RTN1: variants seen among roughly 807,000 people sequenced by gnomAD.
RTN1 encodes the protein reticulon 1.
In RTN1, 25 loss-of-function variants were observed where a neutral mutation model predicts 65.5. The ratio of observed to expected loss-of-function variants is 0.38; its 90% CI spans 0.28 to 0.53. The LOEUF (loss-of-function observed/expected upper bound fraction) is 0.53, where lower values mean the gene tolerates loss of function less well. Among genes scored for constraint, RTN1 ranks in the 20% least tolerant of loss-of-function variants. RTN1 has a pLI of 0.79. For synonymous variants in RTN1, 471 were observed against 447.6 expected, an observed-to-expected ratio of 1.05 and a Z score of -0.66; for missense variants, 983 against 1,025.4, an observed-to-expected ratio of 0.96 and a Z score of 0.57.
intron 3 of RTN1, among the ~76,000 whole-genome samples, chr14:59,691,490 A>T (rs1339556222): frequency 6.6e-6 from 1 of 152,102 alleles, no homozygotes; most frequent in African/African-American, 2.4e-5. Context: ...TCACACCCAA[A>T]TCCTACCAGA....
chr14:59,828,336 C>T (rs1332664062), intron 1 of RTN1, among the ~76,000 whole-genome samples: 5 of 152,174 alleles, frequency 3.3e-5, no homozygotes, highest in African/African-American at 1.2e-4. Flanking sequence ...GAAGAGAGAG[C>T]CTGAGACCGT....
In RTN1 at chr14:59,790,532, C is replaced by A. The variant is rs1566728049; in HGVS notation, c.242-44051G>T. Among the ~76,000 whole-genome samples, 1 of 152,026 alleles carries A rather than the reference C, an allele frequency of 6.6e-6. No individual in the cohort carries two copies. Among genetic ancestry groups the A allele is most frequent in the Non-Finnish European group, 1.5e-5 (1 of 67,996 alleles). The stretch of plus-strand genomic sequence containing the variant: ...TTCTGATAGAAGCCTGATTTTTCCT[C>A]TTCTAGGGGATTTGGTTTTGTGTGT... On this transcript the variant is annotated intron_variant, in intron 1 of 8. Coordinates refer to ENST00000267484, the MANE Select transcript of RTN1 (RefSeq NM_021136.3). This position sits in a 1 kb window ranked among gnomAD's most constrained non-coding sequence, Gnocchi z 4.1.
intron 1 of RTN1, among the ~76,000 whole-genome samples, chr14:59,750,398 T>TATATATATTATATGTATA (rs1275451981): frequency 3.9e-5 from 2 of 51,812 alleles, no homozygotes; most frequent in Non-Finnish European, 6.5e-5. Context: ...ATATCTATAA[T>TATATATATTATATGTATA]ATATATATTA....
At chr14:59,780,334 T>C (rs1029265665) in intron 1 of RTN1, among the ~76,000 whole-genome samples, 1 of 152,146 alleles carries the variant, frequency 6.6e-6, no homozygotes, top group Non-Finnish European at 1.5e-5. Flanking sequence ...AACATAGACA[T>C]AAAAGCAAAG....
intron 1 of RTN1, among the ~76,000 whole-genome samples, chr14:59,819,411 A>ACCCC (rs1566737447): frequency 5.5e-4 from 7 of 12,736 alleles, no homozygotes; most frequent in African/African-American, 1.4e-3. Flanking sequence ...CCACACCACC[A>ACCCC]CCACCCCCCC....
At chr14:59,721,295 C>T (rs1359175070) in intron 3 of RTN1, among the ~76,000 whole-genome samples, 1 of 152,202 alleles carries the variant, frequency 6.6e-6, no homozygotes, top group East Asian at 1.9e-4. Flanking sequence ...CATGGGTGAG[C>T]AGGCTGCAGA....
intron 3 of RTN1, among the ~76,000 whole-genome samples, chr14:59,697,300 C>G (rs74057900): frequency 2.5e-4 from 38 of 152,210 alleles, no homozygotes; most frequent in African/African-American, 8.2e-4. Context: ...ATATTTTATA[C>G]CATGGTTATT....
rs756386522 is a variant in RTN1 at position 59,607,448 on chromosome 14, C to T, written c.1810G>A (p.Val604Met). The T allele has an allele frequency of 1.2e-5, 20 of 1,610,250 alleles. No homozygotes were observed. Among genetic ancestry groups the T allele is most frequent in the Admixed American group, 5.0e-5 (3 of 59,578 alleles). The stretch of plus-strand genomic sequence containing the variant: ...AGCAGCAGCAGGAAACTCCCAAACA[C>T]GATGCCCGTCTGCTTGATGTCCCGC... The part of the protein sequence containing the change: ...YWRDIKQTGI[V>M]FGSFLLLLFS... The change falls in exon 4 of 9, where the codon GTG becomes ATG. Residue 604 changes from valine to methionine, a missense_variant. This residue lies in a region of RTN1 where 165 missense variants were observed against 223.6 expected (regional missense o/e 0.74). Coordinates refer to ENST00000267484, the MANE Select transcript of RTN1 (RefSeq NM_021136.3).
At chr14:59,700,899 C>T (rs539470215) in intron 3 of RTN1, among the ~76,000 whole-genome samples, 30 of 152,120 alleles carry the variant, frequency 2.0e-4, no homozygotes, top group Admixed American at 1.7e-3. Flanking sequence ...TTTTATTTAT[C>T]AAAGGACACC....
At chr14:59,854,191 T>C (rs1038103107) in intron 1 of RTN1, among the ~76,000 whole-genome samples, 3 of 152,260 alleles carry the variant, frequency 2.0e-5, no homozygotes, top group South Asian at 4.1e-4. Context: ...CAATTAATTG[T>C]TGCTTTTGGC....
At position 59,614,644 on chromosome 14, in the gene RTN1, G is replaced by T. The variant is rs945650222; in HGVS notation, c.1766-7152C>A. 4.6e-5 allele frequency among the ~76,000 whole-genome samples: 7 copies of T among 152,140 alleles called. No individual in the cohort carries two copies. The East Asian group carries it at 1.3e-3, about 29-fold the overall frequency. On this transcript the variant is annotated intron_variant, in intron 3 of 8. Transcript: ENST00000267484. ...TATCAAATTTGCTAAATGCTTTAAG[G>T]TCAAGCTGTTTCTTTGACTTTTGAA...
intron 1 of RTN1, among the ~76,000 whole-genome samples, chr14:59,806,715 T>C (rs1213419894): frequency 6.6e-6 from 1 of 152,192 alleles, no homozygotes; most frequent in Non-Finnish European, 1.5e-5. Flanking sequence ...GAACATGTAG[T>C]ATTTGGTTTT....
intron 3 of RTN1, among the ~76,000 whole-genome samples, chr14:59,609,594 G>A (rs1404104981): frequency 1.3e-5 from 2 of 152,164 alleles, no homozygotes; most frequent in Non-Finnish European, 2.9e-5. Flanking sequence ...AGCAGCTCCT[G>A]GGTTGAATGG....
chr14:59,862,342 A>G (rs535799503), intron 1 of RTN1, among the ~76,000 whole-genome samples: 1 of 152,298 alleles, frequency 6.6e-6, no homozygotes, highest in South Asian at 2.1e-4. Flanking sequence ...GTAATCATGT[A>G]GGTGACTGTT....
At chr14:59,610,240 C>A (rs1881904398) in intron 3 of RTN1, 4 of 699,240 alleles carry the variant, frequency 5.7e-6, no homozygotes, top group Non-Finnish European at 5.3e-6. Flanking sequence ...AAACTGTGGG[C>A]AGAAAGCATT....
chr14:59,636,932 C>T (rs976419926), intron 3 of RTN1, among the ~76,000 whole-genome samples: 6 of 152,116 alleles, frequency 3.9e-5, no homozygotes, highest in Non-Finnish European at 7.3e-5. Flanking sequence ...GGTCTTGCCT[C>T]GATGTTGATA....
intron 1 of RTN1, among the ~76,000 whole-genome samples, chr14:59,808,875 C>T (rs996977708): frequency 2.6e-5 from 4 of 152,122 alleles, no homozygotes; most frequent in Admixed American, 1.3e-4. Context: ...CTTTGCCTTC[C>T]TCAATGATTG....
rs1381431039 is a variant in RTN1 at position 59,749,162 on chromosome 14, ATCTATAT to A, written c.242-2688_242-2682del. On this transcript the variant is annotated intron_variant, in intron 1 of 8. Transcript: ENST00000267484. ...TCTATCTATCTATCTATCTATATCT[ATCTATAT>A]ATCTATCTATATATCTATCTATATA... Among the ~76,000 whole-genome samples the A allele has an allele frequency of 5.3e-5, 5 of 94,300 alleles. 1 individual carries two copies. In the South Asian group the frequency reaches 1.1e-3, roughly 20 times the overall value. The allele number at this position is 94,300 out of a possible 152,430, so 61.9% of individuals were successfully genotyped here. A position where few individuals can be genotyped will look rare whatever the true frequency, so the allele number is the denominator to read the frequency against.
intron 1 of RTN1, among the ~76,000 whole-genome samples, chr14:59,833,508 T>G (rs2139644143): frequency 6.6e-6 from 1 of 152,256 alleles, no homozygotes; most frequent in Middle Eastern, 3.4e-3. Flanking sequence ...ACACACTAAT[T>G]TTATTTGAAA....
Sources: gnomAD v4.1 joint callset for allele counts (sites outside exome capture counted in the v4.1 genomes callset) on GRCh38, gnomAD v4.1.1 for gene constraint, gnomAD v4.1.1 regional missense constraint, Gnocchi (gnomAD v3.1) non-coding constraint, MANE v1.5 for transcripts, NCBI Gene and HGNC (gene_info 2026-07-23, HGNC 2026-07-21) for gene names.